The following LMO7 variants were observed in gnomAD, a reference collection of about 807,000 sequenced individuals.
LMO7 encodes the protein LIM domain only protein 7.
A neutral mutation model predicts 206.5 loss-of-function variants in LMO7; 120 were observed. The observed-to-expected ratio is 0.58, with a 90% CI of 0.50 to 0.68. The LOEUF is 0.68. LMO7 is among the 30% of genes least tolerant of loss of function. LMO7 has a pLI of 0.00. For synonymous variants in LMO7, 706 were observed against 681.5 expected, an observed-to-expected ratio of 1.04 and a Z score of -0.56; for missense variants, 1,959 against 1,957.9, an observed-to-expected ratio of 1.00 and a Z score of -0.01.
intron 1 of LMO7, among the ~76,000 whole-genome samples, chr13:75,696,059 G>C (rs2041876332): frequency 6.6e-6 from 1 of 152,182 alleles, no homozygotes; most frequent in South Asian, 2.1e-4. Flanking sequence ...TACATTTCCA[G>C]TAAAGAACCG....
intron 2 of LMO7, among the ~76,000 whole-genome samples, chr13:75,723,011 TC>T (rs1477810043): frequency 6.6e-6 from 1 of 152,088 alleles, no homozygotes; most frequent in African/African-American, 2.4e-5. Flanking sequence ...CTTTGGGGAC[TC>T]GGGGGAAAGA....
chr13:75,732,587 G>T (rs1203047158), intron 3 of LMO7, among the ~76,000 whole-genome samples: 1 of 152,128 alleles, frequency 6.6e-6, no homozygotes, highest in Non-Finnish European at 1.5e-5. Context: ...CCTGTAGCTC[G>T]GAGTAGTTTG....
intron 4 of LMO7, among the ~76,000 whole-genome samples, chr13:75,784,992 T>C (rs1051945167): frequency 6.6e-6 from 1 of 152,180 alleles, no homozygotes; most frequent in Admixed American, 6.5e-5. Flanking sequence ...AAAAGTGCTT[T>C]GGCAATATTT....
intron 2 of LMO7, among the ~76,000 whole-genome samples, chr13:75,715,459 C>G (rs191444031): frequency 6.6e-6 from 1 of 152,156 alleles, no homozygotes. Context: ...TGGAATTTTT[C>G]TAATTTGGAT....
chr13:75,782,888 A>C (rs1334212253), intron 4 of LMO7, among the ~76,000 whole-genome samples: 1 of 152,188 alleles, frequency 6.6e-6, no homozygotes, highest in Non-Finnish European at 1.5e-5. Context: ...ATGTCTCCCC[A>C]TCTGAAGATC....
chr13:75,802,285 C>T (rs111340352), intron 7 of LMO7, among the ~76,000 whole-genome samples: 7 of 152,284 alleles, frequency 4.6e-5, no homozygotes, highest in Middle Eastern at 6.8e-3. Flanking sequence ...TACTGCCACA[C>T]GTATTGGCTG....
chr13:75,720,635 T>G (rs1378744741), intron 2 of LMO7, among the ~76,000 whole-genome samples: 2 of 152,214 alleles, frequency 1.3e-5, no homozygotes, highest in Non-Finnish European at 2.9e-5. Context: ...GTATCTGCCC[T>G]GAGACTATTC....
At chr13:75,837,376 A>T (rs2059210824) in intron 19 of LMO7, among the ~76,000 whole-genome samples, 1 of 152,184 alleles carries the variant, frequency 6.6e-6, no homozygotes, top group Non-Finnish European at 1.5e-5. Context: ...GCAGTGACTC[A>T]GGTGAGATAG....
At chr13:75,772,798 G>T (rs1257521969) in intron 4 of LMO7, among the ~76,000 whole-genome samples, 1 of 152,146 alleles carries the variant, frequency 6.6e-6, no homozygotes, top group Non-Finnish European at 1.5e-5. Flanking sequence ...AATGTACTCA[G>T]ACTTTACAGA....
chr13:75,836,991 C>T (rs2059180356), intron 19 of LMO7, among the ~76,000 whole-genome samples: 1 of 152,118 alleles, frequency 6.6e-6, no homozygotes, highest in South Asian at 2.1e-4. Flanking sequence ...AATAATTTAG[C>T]TAGCATACAT....
chr13:75,628,816 T>C (rs189465191), intron 2 of LMO7, among the ~76,000 whole-genome samples: 87 of 152,344 alleles, frequency 5.7e-4, no homozygotes, highest in African/African-American at 1.9e-3. Flanking sequence ...CCATCCCTTC[T>C]TCCTTTACAA....
chr13:75,846,756 T>A (rs759707044), intron 26 of LMO7, among the ~76,000 whole-genome samples: 1 of 152,194 alleles, frequency 6.6e-6, no homozygotes, highest in East Asian at 1.9e-4. Flanking sequence ...TATTAAATAT[T>A]TGATTTAAAA....
At chr13:75,811,208 C>CTTT (rs764599899) in intron 11 of LMO7, among the ~76,000 whole-genome samples, 14 of 130,680 alleles carry the variant, frequency 1.1e-4, no homozygotes, top group Middle Eastern at 4.1e-3. Context: ...TTTTCTTTCT[C>CTTT]TTTTTTTTTT....
chr13:75,748,892 C>A (rs1258192506), intron 3 of LMO7, among the ~76,000 whole-genome samples: 2 of 151,262 alleles, frequency 1.3e-5, no homozygotes, highest in Non-Finnish European at 2.9e-5. Flanking sequence ...CTCATTGCAA[C>A]CTCCTCCTCC....
At chr13:75,854,952 G>A (rs571376512) in intron 28 of LMO7, 10 of 207,024 alleles carry the variant, frequency 4.8e-5, no homozygotes, top group East Asian at 1.1e-4. Context: ...GATGAGGGGC[G>A]ACTATTGCTG....
chr13:75,819,613 A>C, intron 13 of LMO7, 78 bp downstream of exon 13: 1 of 1,340,542 alleles, frequency 7.5e-7, no homozygotes, highest in African/African-American at 1.5e-5. Context: ...ATGTAAGTGT[A>C]GTGTGACATA....
intron 4 of LMO7, among the ~76,000 whole-genome samples, chr13:75,766,665 G>A (rs772431517): frequency 5.9e-5 from 9 of 151,794 alleles, no homozygotes; most frequent in Non-Finnish European, 1.3e-4. Context: ...TTTTAATCAG[G>A]AAACTCATCT....
intron 3 of LMO7, among the ~76,000 whole-genome samples, chr13:75,748,702 TAGG>T (rs996112776): frequency 8.5e-5 from 13 of 152,136 alleles, no homozygotes; most frequent in East Asian, 1.9e-4. Flanking sequence ...GGGGCTCTCA[TAGG>T]AGGAAGATGA....
intron 1 of LMO7, among the ~76,000 whole-genome samples, chr13:75,681,748 A>ATATATATATATATATG: frequency 7.1e-6 from 1 of 140,308 alleles, no homozygotes; most frequent in East Asian, 2.1e-4. Flanking sequence ...ATATATATAT[A>ATATATATATATATATG]TGGAATCTTA....
Sources: allele counts gnomAD v4.1 joint callset (sites outside exome capture counted in the v4.1 genomes callset), GRCh38; gene constraint gnomAD v4.1.1; transcripts MANE v1.5; gene names NCBI Gene and HGNC (gene_info 2026-07-23, HGNC 2026-07-21).